BDKRB1: variants seen among roughly 807,000 people sequenced by gnomAD.
The protein encoded by BDKRB1 is B1 bradykinin receptor.
For synonymous variants in BDKRB1, 192 were observed against 189.1 expected (o/e 1.02, Z -0.13); for missense variants, 414 against 441.4 (o/e 0.94, Z 0.56).
intron 1 of BDKRB1, among the ~76,000 whole-genome samples, chr14:96,257,025 C>T (rs185369586): frequency 2.0e-5 from 3 of 152,320 alleles, no homozygotes; most frequent in African/African-American, 7.2e-5. Context: ...GTTTATTGAG[C>T]ACCTACTATG....
intron 1 of BDKRB1, among the ~76,000 whole-genome samples, chr14:96,261,784 C>T (rs568678138): frequency 1.3e-5 from 2 of 152,332 alleles, no homozygotes; most frequent in East Asian, 1.9e-4. Context: ...TGTCTGGAGC[C>T]GCATAAATCC....
chr14:96,257,443 G>A (rs911578365), intron 1 of BDKRB1, among the ~76,000 whole-genome samples: 1 of 152,188 alleles, frequency 6.6e-6, no homozygotes, highest in Non-Finnish European at 1.5e-5. Context: ...ATATTGGCTT[G>A]GCTTTGTTCT....
rs770984603 is a variant in BDKRB1 at position 96,264,560 on chromosome 14, G to T, written c.878G>T (p.Gly293Val). Reference protein sequence around the residue: ...GCFWEDFIDLGLQLANFFAFT... With the variant: ...GCFWEDFIDLVLQLANFFAFT... Reference sequence around the variant, plus strand: ...TTTTGGGAGGACTTCATTGACCTGGGCCTGCAATTGGCCAACTTCTTTGCC... The same window carrying T: ...TTTTGGGAGGACTTCATTGACCTGGTCCTGCAATTGGCCAACTTCTTTGCC... The change falls in exon 3 of 3, where the codon GGC becomes GTC. Residue 293 changes from glycine to valine, a missense_variant. By Grantham distance (109) the Gly-to-Val change is moderately radical. Transcript: ENST00000216629. 1.2e-6 allele frequency: 2 copies of T among 1,614,046 alleles called. No homozygotes were observed. Among genetic ancestry groups the T allele is most frequent in the Non-Finnish European group, 1.7e-6 (2 of 1,180,046 alleles).
In BDKRB1 at chr14:96,264,215, T is replaced by C. The variant is rs1262572330; in HGVS notation, c.533T>C (p.Ile178Thr). 1 of 1,613,960 alleles carries C rather than the reference T, an allele frequency of 6.2e-7. No homozygotes were observed. ...ATCCCCACATTCCTGCTGCGATCCA[T>C]CCAAGCCGTCCCAGATCTGAACATC... ...LSIPTFLLRS[I>T]QAVPDLNITA... The change falls in exon 3 of 3, where the codon ATC (isoleucine) becomes ACC (threonine). Residue 178 changes from isoleucine to threonine, a missense_variant. Transcript: ENST00000216629.
chr14:96,264,108 T>C lies in BDKRB1; in HGVS notation c.426T>C (p.Pro142=). The change falls in exon 3 of 3, where the codon CCT becomes CCC. Residue 142 remains proline, a synonymous_variant. Transcript: ENST00000216629. ...SQDRYRVLVH[P]MASRRQQRRR... is the part of the protein sequence containing the mutation. ...ACCGCTACCGCGTGCTGGTGCACCC[T>C]ATGGCCAGCCGGAGGCAGCAGCGGC... 1.3e-6 allele frequency: 2 copies of C among 1,598,588 alleles called. No homozygotes were observed. The highest frequency in any genetic ancestry group is 8.5e-7 in the Non-Finnish European group (1 of 1,172,090).
chr14:96,263,838 C>T lies in BDKRB1; in HGVS notation c.156C>T (p.Leu52=). Residue 52 remains leucine (L), a synonymous_variant, in exon 3 of 3, where the codon CTC becomes CTT. Coordinates refer to ENST00000216629, the MANE Select transcript of BDKRB1 (RefSeq NM_000710.4). Reference sequence around the variant, plus strand: ...TCATCTCCATCTGTTTCTTCGGCCTCCTAGGGAACCTTTTTGTCCTGTTGG... The same window carrying T: ...TCATCTCCATCTGTTTCTTCGGCCTTCTAGGGAACCTTTTTGTCCTGTTGG... ...TFIISICFFG[L]LGNLFVLLVF... 6.2e-7 allele frequency: 1 copy of T among 1,613,996 alleles called. No homozygotes were observed. Among genetic ancestry groups the T allele is most frequent in the Non-Finnish European group, 8.5e-7 (1 of 1,179,924 alleles).
rs925794298 is a variant in BDKRB1 at position 96,264,617 on chromosome 14, A to G, written c.935A>G (p.Tyr312Cys). The change falls in exon 3 of 3, where the codon TAT becomes TGT. Residue 312 changes from tyrosine (Y) to cysteine (C), a missense_variant. Physicochemically the swap from Tyr to Cys is radical, Grantham distance 194. Transcript: ENST00000216629. ...FTNSSLNPVIYVFVGRLFRTK... is the reference protein window; with the variant it reads ...FTNSSLNPVICVFVGRLFRTK... ...AACAGCTCCCTGAATCCAGTAATTT[A>G]TGTCTTTGTGGGCCGGCTCTTCAGG... The G allele has an allele frequency of 5.6e-6, 9 of 1,614,026 alleles. No homozygotes were observed. In the African/African-American group the frequency reaches 9.3e-5, roughly 17 times the overall value.
chr14:96,258,958 T>A (rs1885681069), intron 1 of BDKRB1, among the ~76,000 whole-genome samples: 1 of 152,136 alleles, frequency 6.6e-6, no homozygotes, highest in Non-Finnish European at 1.5e-5. Context: ...TCTCATTTCA[T>A]ACAGAACATG....
At chr14:96,262,238 C>T (rs908255691) in intron 1 of BDKRB1, among the ~76,000 whole-genome samples, 2 of 152,236 alleles carry the variant, frequency 1.3e-5, no homozygotes, top group East Asian at 3.8e-4. Flanking sequence ...TTCTCTGAGC[C>T]TGGCTTTGTC....
At position 96,264,317 on chromosome 14, in the gene BDKRB1, T is replaced by C. The variant is rs1358012090; in HGVS notation, c.635T>C (p.Leu212Pro). 1 of 1,614,202 alleles carries C rather than the reference T, an allele frequency of 6.2e-7. No homozygotes were observed. Among genetic ancestry groups the C allele is most frequent in the East Asian group, 2.2e-5 (1 of 44,876 alleles). ...GTGGAGTTAAATATTCTGGGTTTCC[T>C]CCTACCACTGGCTGCGATCGTCTTC... The part of the protein sequence containing the change: ...RIVELNILGF[L>P]LPLAAIVFFN... Residue 212 changes from leucine to proline, a missense_variant, in exon 3 of 3, where the codon CTC becomes CCC. Coordinates refer to ENST00000216629, the MANE Select transcript of BDKRB1 (RefSeq NM_000710.4).
intron 1 of BDKRB1, among the ~76,000 whole-genome samples, chr14:96,262,324 A>G (rs1885770812): frequency 6.6e-6 from 1 of 152,208 alleles, no homozygotes. Flanking sequence ...CTTGAATCAG[A>G]CTGCCTGGGT....
chr14:96,262,597 C>G, intron 1 of BDKRB1, 55 bp from the exon 2 acceptor site: 2 of 403,926 alleles, frequency 5.0e-6, no homozygotes, highest in Non-Finnish European at 9.4e-6. Context: ...TTTTCTCTCT[C>G]TCTCTCTCCT....
chr14:96,263,584 T>G (rs1229875327), intron 2 of BDKRB1, 89 bp from the exon 3 acceptor site: 36 of 1,393,742 alleles, frequency 2.6e-5, no homozygotes, highest in Non-Finnish European at 3.1e-5. Context: ...CAATAAAACT[T>G]TATTGTCCAA....
intron 1 of BDKRB1, among the ~76,000 whole-genome samples, chr14:96,261,147 C>T (rs570681286): frequency 1.5e-4 from 23 of 152,298 alleles, no homozygotes; most frequent in Admixed American, 7.2e-4. Context: ...ACCTCCAAAA[C>T]ACCTCTAGAG....
At chr14:96,258,746 C>T (rs537916843) in intron 1 of BDKRB1, among the ~76,000 whole-genome samples, 29 of 152,270 alleles carry the variant, frequency 1.9e-4, no homozygotes, top group Middle Eastern at 6.8e-3. Context: ...GTCTTGAACT[C>T]CTGACCTCAT....
intron 1 of BDKRB1, among the ~76,000 whole-genome samples, chr14:96,262,435 C>T (rs1022286787): frequency 6.6e-6 from 1 of 152,096 alleles, no homozygotes; most frequent in Non-Finnish European, 1.5e-5. Context: ...GACAATGGCC[C>T]CTACCTTGAA....
chr14:96,259,352 T>A (rs1885692858), intron 1 of BDKRB1: 1 of 152,208 alleles, frequency 6.6e-6, no homozygotes, highest in Non-Finnish European at 1.5e-5. Flanking sequence ...TTTAAAAAAA[T>A]TCATGAACAA....
intron 1 of BDKRB1, among the ~76,000 whole-genome samples, chr14:96,257,811 T>A (rs1885650766): frequency 6.6e-6 from 1 of 150,588 alleles, no homozygotes; most frequent in African/African-American, 2.5e-5. Context: ...TCAAAAATTA[T>A]TTCCCCCAAA....
chr14:96,264,052 A>C lies in BDKRB1; in HGVS notation c.370A>C (p.Ser124Arg). The C allele has an allele frequency of 6.2e-7, 1 of 1,613,336 alleles. No homozygotes were observed. The highest frequency in any genetic ancestry group is 1.3e-5 in the African/African-American group (1 of 75,038). ...NGVIKANLFI[S>R]IFLVVAISQD... Reference sequence around the variant, plus strand: ...GGTCATCAAGGCCAATTTGTTCATCAGCATCTTCCTGGTGGTGGCCATCAG... The same window carrying C: ...GGTCATCAAGGCCAATTTGTTCATCCGCATCTTCCTGGTGGTGGCCATCAG... Residue 124 changes from serine to arginine, a missense_variant, in exon 3 of 3, where the codon AGC (serine) becomes CGC (arginine). Transcript: ENST00000216629.
Sources: allele counts gnomAD v4.1 joint callset (sites outside exome capture counted in the v4.1 genomes callset), GRCh38; gene constraint gnomAD v4.1.1; transcripts MANE v1.5; gene names NCBI Gene and HGNC (gene_info 2026-07-23, HGNC 2026-07-21).